Variants in SLC38A8 observed in about 807,000 individuals in gnomAD.
The protein encoded by SLC38A8 is solute carrier family 38 member 8, also known as amino acid transporter SLC38A8.
A neutral mutation model predicts 46.0 loss-of-function variants in SLC38A8; 65 were observed. The ratio of observed to expected loss-of-function variants is 1.41; its 90% confidence interval spans 1.16 to 1.74. The LOEUF (loss-of-function observed/expected upper bound fraction) is 1.74, where lower values mean the gene tolerates loss of function less well. Among genes scored for constraint, SLC38A8 ranks in the 40% most tolerant of loss-of-function variants. The probability of loss-of-function intolerance (pLI) is 0.00; values close to 1 mark genes in which losing one functional copy is unlikely to be tolerated. For synonymous variants in SLC38A8, 447 were observed against 243.7 expected, an observed-to-expected ratio of 1.83 and a Z score of -7.77; for missense variants, 998 against 567.9, an observed-to-expected ratio of 1.76 and a Z score of -7.70.
At chr16:84,012,591 A>G (rs533401697) in intron 10 of SLC38A8, among the ~76,000 whole-genome samples, 1 of 152,322 alleles carries the variant, frequency 6.6e-6, no homozygotes, top group Admixed American at 6.5e-5. Context: ...TGCCTAGCAG[A>G]GGAGCCTGGG....
At chr16:84,036,340 G>GA (rs1320771583) in intron 3 of SLC38A8, among the ~76,000 whole-genome samples, 6 of 152,358 alleles carry the variant, frequency 3.9e-5, no homozygotes, top group Admixed American at 3.9e-4. Flanking sequence ...TCGAGGCCAA[G>GA]GTTGGTGAGG....
chr16:84,023,090 A>G (rs888198223), intron 6 of SLC38A8, among the ~76,000 whole-genome samples: 2 of 152,024 alleles, frequency 1.3e-5, no homozygotes, highest in Non-Finnish European at 2.9e-5. Context: ...CCTTTGTTAC[A>G]TGCCCAAACA....
At chr16:84,023,491 G>A (rs901268031) in intron 6 of SLC38A8, among the ~76,000 whole-genome samples, 8 of 151,928 alleles carry the variant, frequency 5.3e-5, no homozygotes, top group Non-Finnish European at 8.8e-5. Flanking sequence ...AAGAGCAGAG[G>A]GCGTAAGTAA....
Position 84,031,901 on chromosome 16 carries a change from G to C in SLC38A8, c.598C>G (p.Gln200Glu). Residue 200 changes from glutamine (Q) to glutamate (E), a missense_variant, in exon 5 of 11, where the codon CAG (glutamine) becomes GAG (glutamate). By Grantham distance (29) the Gln-to-Glu change is conservative (BLOSUM62 2). Transcript: ENST00000299709. The part of the protein sequence containing the change: ...VITVQYYLWP[Q>E]GLVRESHPSL... Reference sequence around the variant, plus strand: ...GGATGGGACTCACGCACGAGGCCCTGGGGCCAGAGGTAGTACTGCACGGTG... The same window carrying C: ...GGATGGGACTCACGCACGAGGCCCTCGGGCCAGAGGTAGTACTGCACGGTG... 6.2e-7 allele frequency: 1 copy of C among 1,614,186 alleles called. No homozygotes were observed. Among genetic ancestry groups the C allele is most frequent in the Non-Finnish European group, 8.5e-7 (1 of 1,180,028 alleles).
chr16:84,013,672 G>A (rs1271080175), intron 9 of SLC38A8, among the ~76,000 whole-genome samples: 2 of 150,856 alleles, frequency 1.3e-5, no homozygotes, highest in South Asian at 2.1e-4. Flanking sequence ...CTCGTGATCC[G>A]CCCGCCTTGG....
intron 3 of SLC38A8, among the ~76,000 whole-genome samples, chr16:84,033,734 C>G (rs1482626899): frequency 1.3e-5 from 2 of 152,214 alleles, no homozygotes; most frequent in Admixed American, 6.5e-5. Context: ...GAGGCGATGA[C>G]CAGACAAGCC....
At chr16:84,024,343 G>T (rs893786891) in intron 6 of SLC38A8, among the ~76,000 whole-genome samples, 3 of 152,036 alleles carry the variant, frequency 2.0e-5, no homozygotes, top group Non-Finnish European at 1.5e-5. Context: ...CCATATTGGG[G>T]TAAGCATTTT....
chr16:84,018,223 C>CT (rs796178053), intron 7 of SLC38A8, among the ~76,000 whole-genome samples: 6,599 of 79,902 alleles, frequency 0.083, 1,430 homozygotes, highest in East Asian at 0.36. Context: ...GCCCTCATTC[C>CT]TTTTTTTTTT....
Position 84,013,056 on chromosome 16 carries a change from C to T in SLC38A8, c.1163-4G>A, listed in dbSNP as rs1567688898. 2 of 1,612,684 alleles carry T rather than the reference C, an allele frequency of 1.2e-6. No individual in the cohort carries two copies. Among genetic ancestry groups the T allele is most frequent in the Non-Finnish European group, 1.7e-6 (2 of 1,179,534 alleles). ...ATTGCACAGATGAGGCACAAACCTG[C>T]AAAAAAGACAGGGTCACCCACAGTT... On this transcript the variant is annotated splice_region_variant and splice_polypyrimidine_tract_variant and intron_variant, in intron 9 of 10. Coordinates refer to ENST00000299709, the MANE Select transcript of SLC38A8 (RefSeq NM_001080442.3).
At chr16:84,019,696 A>G (rs9938227) in intron 7 of SLC38A8, among the ~76,000 whole-genome samples, 36,765 of 152,166 alleles carry the variant, frequency 0.24, 6,375 homozygotes, top group African/African-American at 0.5. Context: ...TCAGAGGTCC[A>G]AAGTCCAGAG....
At chr16:84,029,786 G>A (rs889092510) in intron 5 of SLC38A8, among the ~76,000 whole-genome samples, 2 of 152,218 alleles carry the variant, frequency 1.3e-5, no homozygotes, top group African/African-American at 4.8e-5. Context: ...CATTTTACAT[G>A]TGGGCAGAAT....
intron 9 of SLC38A8, 67 bp downstream of exon 9, chr16:84,016,452 G>A (rs745383621): frequency 8.4e-6 from 13 of 1,551,974 alleles, no homozygotes; most frequent in Non-Finnish European, 1.1e-5. Flanking sequence ...CTCCAACACT[G>A]GGAGTCCCCA....
chr16:84,026,821 G>A (rs1043579787), intron 6 of SLC38A8, among the ~76,000 whole-genome samples: 2 of 152,188 alleles, frequency 1.3e-5, no homozygotes, highest in Non-Finnish European at 2.9e-5. Flanking sequence ...CCATTCCTAG[G>A]AGGTGGCCAT....
chr16:84,011,697 G>C (rs536323585), intron 10 of SLC38A8, among the ~76,000 whole-genome samples: 1 of 152,176 alleles, frequency 6.6e-6, no homozygotes, highest in African/African-American at 2.4e-5. Flanking sequence ...ATTTAGGGTG[G>C]ACCCTAATCT....
Position 84,031,813 on chromosome 16 carries a change from T to TC in SLC38A8, c.632+53dup. On this transcript the variant is annotated intron_variant, in intron 5 of 10. Transcript: ENST00000299709. ...CTCCTCCAAGACTCCCCTCACAGAC[T>TC]CCCCTGCCGTGCCTCCCCGCCGAGG... 2.0e-6 allele frequency: 3 copies of TC among 1,472,890 alleles called. No individual in the cohort carries two copies. In the Admixed American group the frequency reaches 5.0e-5, roughly 25 times the overall value. The allele number at this position is 1,472,890 out of a possible 1,614,324, so 91.2% of individuals were successfully genotyped here. A position where few individuals can be genotyped will look rare whatever the true frequency, so the allele number is the denominator to read the frequency against.
chr16:84,022,700 G>T, intron 7 of SLC38A8, 75 bp downstream of exon 7: 2 of 1,156,302 alleles, frequency 1.7e-6, no homozygotes, highest in Non-Finnish European at 2.6e-6. Context: ...AAACTCTCTA[G>T]AGAGATACTC....
At chr16:84,039,503 G>C (rs537747996) in intron 2 of SLC38A8, among the ~76,000 whole-genome samples, 2 of 152,222 alleles carry the variant, frequency 1.3e-5, no homozygotes, top group East Asian at 3.9e-4. Context: ...CCAGCACTTT[G>C]GGAGGCCAAG....
chr16:84,010,774 G>A (rs943603367), intron 10 of SLC38A8, among the ~76,000 whole-genome samples: 2 of 152,056 alleles, frequency 1.3e-5, no homozygotes, highest in Non-Finnish European at 2.9e-5. Context: ...AGAGAAGGGA[G>A]ACACTACTTT....
chr16:84,037,555 G>C (rs1220136083), intron 2 of SLC38A8, among the ~76,000 whole-genome samples: 1 of 152,172 alleles, frequency 6.6e-6, no homozygotes, highest in Admixed American at 6.5e-5. Flanking sequence ...GAGGTCAGGA[G>C]TTTGAGACCA....
Sources: allele counts gnomAD v4.1 joint callset (sites outside exome capture counted in the v4.1 genomes callset), GRCh38; gene constraint gnomAD v4.1.1; transcripts MANE v1.5; gene names NCBI Gene and HGNC (gene_info 2026-07-23, HGNC 2026-07-21).